Variants in LPP observed in about 807,000 individuals in gnomAD.
LPP encodes lipoma-preferred partner.
In LPP, 38 loss-of-function variants were observed where a neutral mutation model predicts 60.4. That is an observed-to-expected ratio of 0.63 (90% CI 0.49 to 0.83). LPP has a LOEUF of 0.83. LPP is among the 40% of genes least tolerant of loss of function. The pLI is 0.00. For missense variants in LPP, 902 were observed against 783.6 expected, an observed-to-expected ratio of 1.15 and a Z score of -1.80; for synonymous variants, 328 against 290.8, an observed-to-expected ratio of 1.13 and a Z score of -1.30.
intron 6 of LPP, among the ~76,000 whole-genome samples, chr3:188,550,147 T>C (rs771467385): frequency 6.6e-6 from 1 of 152,148 alleles, no homozygotes; most frequent in Non-Finnish European, 1.5e-5. Flanking sequence ...AATCCCCCTA[T>C]TGGACATCCC....
chr3:188,323,592 A>C (rs150535658), intron 2 of LPP, among the ~76,000 whole-genome samples: 6 of 152,358 alleles, frequency 3.9e-5, no homozygotes, highest in Non-Finnish European at 2.9e-5. Flanking sequence ...TGAGCAGTGA[A>C]TAGCTCATGA....
rs148291877 is a variant in LPP, at chr3:188,739,342, G to A, written c.1241-20771G>A. Among the ~76,000 whole-genome samples the A allele has an allele frequency of 7.4e-3, 1,124 of 152,158 alleles. 12 individuals carry two copies. Among genetic ancestry groups the A allele is most frequent in the African/African-American group, 0.025 (1,046 of 41,526 alleles). ...CTGAAATCTTGTTTGCCTTTTTGGAGAAGATAGCATTTGAAATGGGCCTTG... is the reference window on the plus strand; with the variant it reads ...CTGAAATCTTGTTTGCCTTTTTGGAAAAGATAGCATTTGAAATGGGCCTTG... On this transcript the variant is annotated intron_variant, in intron 8 of 11. Transcript: ENST00000617246.
At chr3:188,512,395 A>C (rs1815966217) in intron 5 of LPP, among the ~76,000 whole-genome samples, 1 of 152,062 alleles carries the variant, frequency 6.6e-6, no homozygotes, top group Non-Finnish European at 1.5e-5. Flanking sequence ...CCATCTAAAA[A>C]TACAAAATTA....
At chr3:188,767,325 T>C (rs916085871) in intron 9 of LPP, among the ~76,000 whole-genome samples, 1 of 152,156 alleles carries the variant, frequency 6.6e-6, no homozygotes, top group Non-Finnish European at 1.5e-5. Flanking sequence ...TTTTGATAAA[T>C]GTCACAGTTC....
At chr3:188,228,628 C>A (rs1444790565) in intron 2 of LPP, among the ~76,000 whole-genome samples, 1 of 152,138 alleles carries the variant, frequency 6.6e-6, no homozygotes, top group African/African-American at 2.4e-5. Context: ...TACAACTAAA[C>A]AAACAAAATC....
intron 9 of LPP, among the ~76,000 whole-genome samples, chr3:188,832,414 A>T (rs749358267): frequency 3.9e-5 from 6 of 152,172 alleles, no homozygotes; most frequent in Non-Finnish European, 7.4e-5. Flanking sequence ...CCTGGAAAAG[A>T]TTCTTCCACA....
intron 9 of LPP, among the ~76,000 whole-genome samples, chr3:188,782,355 T>C (rs73196800): frequency 9.3e-4 from 142 of 152,274 alleles, no homozygotes; most frequent in Middle Eastern, 3.4e-3. Context: ...TGGAGAGATA[T>C]CAATTTGAAC....
intron 5 of LPP, among the ~76,000 whole-genome samples, chr3:188,504,627 C>T (rs984276707): frequency 6.6e-6 from 1 of 152,082 alleles, no homozygotes; most frequent in Non-Finnish European, 1.5e-5. Context: ...TTGCCAGTCT[C>T]TGTGCTAAGT....
intron 7 of LPP, among the ~76,000 whole-genome samples, chr3:188,689,473 C>G (rs1861617254): frequency 6.6e-6 from 1 of 152,178 alleles, no homozygotes. Flanking sequence ...CTCACAGTGG[C>G]TTAGAGGAGG....
intron 9 of LPP, among the ~76,000 whole-genome samples, chr3:188,816,252 A>C (rs1342965204): frequency 2.3e-5 from 3 of 128,792 alleles, no homozygotes; most frequent in African/African-American, 9.1e-5. Context: ...CCCAGGCTGG[A>C]GTGCGGTGGC....
intron 6 of LPP, among the ~76,000 whole-genome samples, chr3:188,550,051 T>C (rs1270967827): frequency 2.0e-5 from 3 of 152,164 alleles, no homozygotes; most frequent in African/African-American, 7.2e-5. Flanking sequence ...TAATGCAGTA[T>C]CTTGACATGG....
chr3:188,388,374 C>T (rs1268292453), intron 3 of LPP, among the ~76,000 whole-genome samples: 1 of 152,020 alleles, frequency 6.6e-6, no homozygotes, highest in Non-Finnish European at 1.5e-5. Context: ...ATTGTCTTGA[C>T]AATAAACAGG....
At chr3:188,822,410 T>G (rs1754231238) in intron 9 of LPP, among the ~76,000 whole-genome samples, 1 of 152,102 alleles carries the variant, frequency 6.6e-6, no homozygotes, top group Non-Finnish European at 1.5e-5. Context: ...AGACGATTGA[T>G]GAGAGCACTG....
In LPP at chr3:188,762,463, G is replaced by A. The variant is rs564525861; in HGVS notation, c.1410+2181G>A. Among the ~76,000 whole-genome samples, 18 of 152,284 alleles carry A rather than the reference G, an allele frequency of 1.2e-4. No homozygotes were observed. The East Asian group carries it at 2.9e-3, about 24-fold the overall frequency. On this transcript the variant is annotated intron_variant, in intron 9 of 11. Coordinates refer to ENST00000617246, the MANE Select transcript of LPP (RefSeq NM_001375462.1). ...TGCAGTGAAATTCACTGGGCTTTAG[G>A]AAATTATTATAACCTTTCAGACATA...
At chr3:188,202,572 G>A (rs780698550) in intron 1 of LPP, among the ~76,000 whole-genome samples, 9 of 152,218 alleles carry the variant, frequency 5.9e-5, no homozygotes, top group African/African-American at 2.2e-4. Context: ...TGCTGACAAG[G>A]TTCACGCGCT....
At chr3:188,825,669 T>G (rs1258089210) in intron 9 of LPP, among the ~76,000 whole-genome samples, 1 of 152,056 alleles carries the variant, frequency 6.6e-6, no homozygotes, top group Non-Finnish European at 1.5e-5. Flanking sequence ...CACCACAGCC[T>G]TAACCGACTG....
intron 7 of LPP, among the ~76,000 whole-genome samples, chr3:188,705,384 TG>T (rs919887587): frequency 1.1e-4 from 17 of 152,176 alleles, no homozygotes; most frequent in African/African-American, 3.9e-4. Flanking sequence ...ATTCTTTTGC[TG>T]GTTAGTTTAC....
At chr3:188,788,293 C>T (rs145505893) in intron 9 of LPP, among the ~76,000 whole-genome samples, 24 of 152,304 alleles carry the variant, frequency 1.6e-4, no homozygotes, top group Non-Finnish European at 3.2e-4. Flanking sequence ...TGCACACATA[C>T]CTAAACACAC....
chr3:188,492,917 A>T (rs565717783), intron 5 of LPP, among the ~76,000 whole-genome samples: 7 of 152,348 alleles, frequency 4.6e-5, no homozygotes, highest in African/African-American at 1.7e-4. Flanking sequence ...TTAACTTTAT[A>T]GCAAATCTCT....
Sources: gnomAD v4.1 joint callset for allele counts (sites outside exome capture counted in the v4.1 genomes callset) on GRCh38, gnomAD v4.1.1 for gene constraint, MANE v1.5 for transcripts, NCBI Gene and HGNC (gene_info 2026-07-23, HGNC 2026-07-21) for gene names.